Variants in BCAR3 observed in about 807,000 individuals in gnomAD.
BCAR3 encodes the protein breast cancer anti-estrogen resistance protein 3.
BCAR3 carries 37 observed loss-of-function variants against 80.1 expected under a neutral mutation model. The observed-to-expected ratio is 0.46, with a 90% confidence interval of 0.36 to 0.61. The LOEUF (loss-of-function observed/expected upper bound fraction) is 0.61. Ranked by LOEUF, BCAR3 falls within the 20% of genes least tolerant of loss-of-function variation. The probability of loss-of-function intolerance (pLI) is 0.00; values close to 1 mark genes in which losing one functional copy is unlikely to be tolerated. For synonymous variants in BCAR3, 389 were observed against 418.9 expected, an observed-to-expected ratio of 0.93 and a Z score of 0.87; for missense variants, 978 against 1,068.2, an observed-to-expected ratio of 0.92 and a Z score of 1.18.
intron 2 of BCAR3, among the ~76,000 whole-genome samples, chr1:93,755,649 A>T (rs1651717527): frequency 6.6e-6 from 1 of 152,168 alleles, no homozygotes; most frequent in South Asian, 2.1e-4. Flanking sequence ...AGTGCACTTT[A>T]TGATGTTTGC....
chr1:93,698,724 A>G (rs1210000236), intron 3 of BCAR3, among the ~76,000 whole-genome samples: 1 of 152,162 alleles, frequency 6.6e-6, no homozygotes, highest in Non-Finnish European at 1.5e-5. Flanking sequence ...TTTAGCATCA[A>G]CCTTCGCTGC....
rs192847592 is a variant in BCAR3, at chr1:93,583,866, C to A, written c.1033+152G>T. 1.0e-3 allele frequency: 708 copies of A among 700,768 alleles called. 9 individuals are homozygous for A. Among genetic ancestry groups the A allele is most frequent in the Non-Finnish European group, 9.2e-5 (39 of 422,720 alleles). 43.4% of individuals were successfully genotyped at this position (700,768 alleles called of 1,614,324 possible). The stretch of plus-strand genomic sequence containing the variant: ...CGGTGTCTAGCTCAGTGCTTCGCCG[C>A]CGGATATAATTCTGCAAACCCATTC... On this transcript the variant is annotated intron_variant, in intron 6 of 11. Coordinates refer to ENST00000260502, the MANE Select transcript of BCAR3 (RefSeq NM_003567.4).
chr1:93,562,439 A>T lies in BCAR3; in HGVS notation c.2300-20T>A. The stretch of plus-strand genomic sequence containing the variant: ...GAAAACCTAATGAAACAAAATAAAC[A>T]AAAAGTTACTTCAGTTCTGCCTAAG... On this transcript the variant is annotated intron_variant, in intron 11 of 11. Coordinates refer to ENST00000260502, the MANE Select transcript of BCAR3 (RefSeq NM_003567.4). The T allele has an allele frequency of 6.2e-7, 1 of 1,609,446 alleles. No homozygotes were observed. Among genetic ancestry groups the T allele is most frequent in the South Asian group, 1.1e-5 (1 of 90,838 alleles).
chr1:93,576,025 G>T lies in BCAR3; in HGVS notation c.1791C>A (p.Asp597Glu). The T allele has an allele frequency of 6.2e-7, 1 of 1,614,094 alleles. No individual in the cohort carries two copies. Among genetic ancestry groups the T allele is most frequent in the Non-Finnish European group, 8.5e-7 (1 of 1,179,986 alleles). Residue 597 changes from aspartate to glutamate, a missense_variant, in exon 8 of 12, where the codon GAC (aspartate) becomes GAA (glutamate). By Grantham distance (45) the Asp-to-Glu change is conservative (BLOSUM62 2). Transcript: ENST00000260502. ...TLPHGHQLRLDIIERHNTMAI... is the reference protein window; with the variant it reads ...TLPHGHQLRLEIIERHNTMAI... ...ACGGCACTGCTCACCTTTCAATTAT[G>T]TCCAGGCGCAGCTGGTGTCCGTGAG...
At chr1:93,813,231 A>G (rs1359977935) in intron 2 of BCAR3, among the ~76,000 whole-genome samples, 1 of 152,124 alleles carries the variant, frequency 6.6e-6, no homozygotes, top group African/African-American at 2.4e-5. Context: ...ATGTTTAAGC[A>G]AAGGCCGTCT....
At chr1:93,723,090 G>A (rs1650462761) in intron 2 of BCAR3, among the ~76,000 whole-genome samples, 1 of 152,132 alleles carries the variant, frequency 6.6e-6, no homozygotes, top group Non-Finnish European at 1.5e-5. Flanking sequence ...CAGCTCCAGA[G>A]GCAGTCCCAG....
chr1:93,753,755 C>T (rs4240955), intron 2 of BCAR3: 108,472 of 152,032 alleles, frequency 0.71, 39,676 homozygotes, highest in African/African-American at 0.87. Context: ...TTTTGCATTA[C>T]GGGCTTATGG....
intron 3 of BCAR3, chr1:93,600,766 A>G (rs962278477): frequency 1.3e-5 from 2 of 152,316 alleles, no homozygotes; most frequent in African/African-American, 4.8e-5. Context: ...GTAGAGGTAC[A>G]CGGCCTGGCA....
intron 3 of BCAR3, among the ~76,000 whole-genome samples, chr1:93,608,757 G>A (rs1461433827): frequency 6.6e-6 from 1 of 152,190 alleles, no homozygotes; most frequent in Non-Finnish European, 1.5e-5. Context: ...CCAACCAGAT[G>A]CCAATGGAAT....
chr1:93,781,533 A>G (rs142895235), intron 2 of BCAR3, among the ~76,000 whole-genome samples: 1 of 152,356 alleles, frequency 6.6e-6, no homozygotes, highest in Non-Finnish European at 1.5e-5. Context: ...TTATCATTTA[A>G]TCTTCATACA....
intron 2 of BCAR3, among the ~76,000 whole-genome samples, chr1:93,746,603 CG>C (rs1283107258): frequency 6.6e-6 from 1 of 152,194 alleles, no homozygotes; most frequent in African/African-American, 2.4e-5. Context: ...TTGCCCAGCA[CG>C]TACACCTGTA....
chr1:93,654,268 A>T (rs1223325956), intron 2 of BCAR3, among the ~76,000 whole-genome samples: 3 of 152,208 alleles, frequency 2.0e-5, no homozygotes, highest in Non-Finnish European at 2.9e-5. Flanking sequence ...GTGATCACCC[A>T]GGTGGGCCTG....
chr1:93,731,869 C>T (rs1301872753), intron 2 of BCAR3, among the ~76,000 whole-genome samples: 1 of 152,130 alleles, frequency 6.6e-6, no homozygotes, highest in African/African-American at 2.4e-5. Flanking sequence ...GGGGCCTTCC[C>T]CTCACCTGCC....
upstream of BCAR3, among the ~76,000 whole-genome samples, chr1:93,686,672 G>T (rs1419831457): frequency 6.6e-6 from 1 of 152,186 alleles, no homozygotes; most frequent in East Asian, 1.9e-4. Context: ...GAGTGGAGGA[G>T]AATTATCAAA....
chr1:93,742,729 C>T (rs779346022), intron 2 of BCAR3, among the ~76,000 whole-genome samples: 28 of 152,312 alleles, frequency 1.8e-4, no homozygotes, highest in Non-Finnish European at 3.4e-4. Flanking sequence ...CTGACAAGAC[C>T]TTCCTAGGTT....
At chr1:93,705,879 C>T (rs1571061904) in intron 3 of BCAR3, among the ~76,000 whole-genome samples, 1 of 151,672 alleles carries the variant, frequency 6.6e-6, no homozygotes, top group South Asian at 2.1e-4. Context: ...GAAGCCAAAG[C>T]CCGGTCTCAA....
At chr1:93,593,062 G>A (rs1052200289) in intron 3 of BCAR3, among the ~76,000 whole-genome samples, 24 of 152,346 alleles carry the variant, frequency 1.6e-4, no homozygotes, top group African/African-American at 5.5e-4. Flanking sequence ...CACCTCAGAT[G>A]TTTGAGAATC....
At chr1:93,607,495 G>A (rs936593147) in intron 3 of BCAR3, among the ~76,000 whole-genome samples, 4 of 152,020 alleles carry the variant, frequency 2.6e-5, no homozygotes, top group African/African-American at 9.7e-5. Flanking sequence ...GAGGACACAG[G>A]CATGAGTTAG....
At chr1:93,629,011 C>T (rs1675529374) in intron 3 of BCAR3, among the ~76,000 whole-genome samples, 1 of 152,092 alleles carries the variant, frequency 6.6e-6, no homozygotes, top group South Asian at 2.1e-4. Context: ...GGTACCCATT[C>T]GAAAGAAGGA....
Sources: gnomAD v4.1 joint callset for allele counts (sites outside exome capture counted in the v4.1 genomes callset) on GRCh38, gnomAD v4.1.1 for gene constraint, MANE v1.5 for transcripts, NCBI Gene and HGNC (gene_info 2026-07-23, HGNC 2026-07-21) for gene names.